ZCWPW2: variants seen among roughly 807,000 people sequenced by gnomAD.
ZCWPW2 encodes the protein zinc finger CW-type PWWP domain protein 2.
ZCWPW2 carries 45 observed loss-of-function variants against 46.6 expected under a neutral mutation model. The ratio of observed to expected loss-of-function variants is 0.96; its 90% CI spans 0.76 to 1.24. ZCWPW2 has a LOEUF of 1.24. Among genes scored for constraint, ZCWPW2 ranks in the 50% most tolerant of loss-of-function variants. The pLI, the probability that ZCWPW2 is intolerant of heterozygous loss-of-function variation, is 0.00. For synonymous variants in ZCWPW2, 152 were observed against 137.1 expected (o/e 1.11, Z -0.76); for missense variants, 429 against 403.9 (o/e 1.06, Z -0.53).
intron 4 of ZCWPW2, among the ~76,000 whole-genome samples, chr3:28,457,901 T>G (rs1348837189): frequency 2.0e-5 from 3 of 152,246 alleles, no homozygotes; most frequent in African/African-American, 7.2e-5. Context: ...ATTTACCATC[T>G]TAATCATTTT....
At chr3:28,492,286 T>C in intron 6 of ZCWPW2, 113 bp downstream of exon 6, 2 of 944,474 alleles carry the variant, frequency 2.1e-6, no homozygotes, top group Non-Finnish European at 3.0e-6. Flanking sequence ...ATCCATTTTT[T>C]CTTCTGAATG....
intron 4 of ZCWPW2, among the ~76,000 whole-genome samples, chr3:28,469,976 C>G (rs1207422319): frequency 6.6e-6 from 1 of 152,152 alleles, no homozygotes; most frequent in Non-Finnish European, 1.5e-5. Flanking sequence ...GCAGAATGCA[C>G]ATTCTTTTCC....
intron 6 of ZCWPW2, among the ~76,000 whole-genome samples, chr3:28,503,500 A>G (rs1434278916): frequency 6.6e-6 from 1 of 152,142 alleles, no homozygotes; most frequent in Non-Finnish European, 1.5e-5. Context: ...CATTCCATCA[A>G]AACCAAAACC....
rs371206235 is a variant in ZCWPW2 at position 28,377,962 on chromosome 3, A to G, written c.-133-12536A>G. Among the ~76,000 whole-genome samples the G allele has an allele frequency of 2.2e-4, 34 of 152,226 alleles. No homozygotes were observed. In the South Asian group the frequency reaches 6.8e-3, roughly 31 times the overall value. ...CCGCAAAAGACACCAGCCATTAAATATGCCAGTATGCTGTTTTCGTCCTTT... is the reference window on the plus strand; with the variant it reads ...CCGCAAAAGACACCAGCCATTAAATGTGCCAGTATGCTGTTTTCGTCCTTT... On this transcript the variant is annotated intron_variant, in intron 1 of 9. Coordinates refer to ENST00000383768, the MANE Select transcript of ZCWPW2 (RefSeq NM_001040432.4).
At chr3:28,379,604 T>C (rs78338216) in intron 1 of ZCWPW2, among the ~76,000 whole-genome samples, 1,698 of 152,314 alleles carry the variant, frequency 0.011, 11 homozygotes, top group Non-Finnish European at 0.017. Context: ...CTCTGTTCTA[T>C]TTCCAAAACA....
intron 1 of ZCWPW2, among the ~76,000 whole-genome samples, chr3:28,371,614 G>T (rs1028703578): frequency 1.3e-5 from 2 of 152,108 alleles, no homozygotes; most frequent in African/African-American, 4.8e-5. Context: ...AGCTATGATT[G>T]TGCCACTGCA....
chr3:28,437,273 C>A lies in ZCWPW2; in HGVS notation c.492+2004C>A, dbSNP rs183832294. On this transcript the variant is annotated intron_variant, in intron 4 of 9. Transcript: ENST00000383768. ...TAATTTTCACTGGTTATTGCTAAATCTTACTTCATACACTATTTCAACATC... is the reference window on the plus strand; with the variant it reads ...TAATTTTCACTGGTTATTGCTAAATATTACTTCATACACTATTTCAACATC... Among the ~76,000 whole-genome samples the A allele has an allele frequency of 1.6e-3, 237 of 152,240 alleles. 2 individuals carry two copies. The highest frequency in any genetic ancestry group is 5.6e-3 in the African/African-American group (231 of 41,548).
chr3:28,490,648 A>G (rs780957357), intron 5 of ZCWPW2, among the ~76,000 whole-genome samples: 3 of 152,090 alleles, frequency 2.0e-5, no homozygotes, highest in Non-Finnish European at 2.9e-5. Flanking sequence ...GAAGGAAACA[A>G]TAGGCACTGG....
intron 4 of ZCWPW2, among the ~76,000 whole-genome samples, chr3:28,467,780 C>G (rs926641931): frequency 1.2e-4 from 18 of 152,304 alleles, no homozygotes; most frequent in South Asian, 1.0e-3. Flanking sequence ...ACGGGGCTCA[C>G]TAATGCAGAT....
intron 2 of ZCWPW2, among the ~76,000 whole-genome samples, chr3:28,393,993 T>G (rs536309625): frequency 6.6e-6 from 1 of 152,172 alleles, no homozygotes; most frequent in South Asian, 2.1e-4. Flanking sequence ...TGTAAAATTA[T>G]CTCTGTTTCC....
intron 5 of ZCWPW2, among the ~76,000 whole-genome samples, chr3:28,491,787 T>A (rs2125816615): frequency 6.6e-6 from 1 of 152,184 alleles, no homozygotes; most frequent in Middle Eastern, 3.4e-3. Context: ...GCAGCTGGGA[T>A]TCAGTTCTAG....
intron 2 of ZCWPW2, among the ~76,000 whole-genome samples, chr3:28,400,108 C>G (rs1249887586): frequency 6.6e-6 from 1 of 151,986 alleles, no homozygotes; most frequent in Admixed American, 6.5e-5. Context: ...CTTCAGGAAA[C>G]AGTGGACACA....
chr3:28,478,340 T>G (rs896082838), intron 4 of ZCWPW2: 11 of 301,790 alleles, frequency 3.6e-5, no homozygotes, highest in African/African-American at 2.4e-4. Flanking sequence ...GCCTCCCAGG[T>G]TCAAGCAGTT....
chr3:28,503,900 T>G (rs1229221316), intron 6 of ZCWPW2, among the ~76,000 whole-genome samples: 2 of 152,010 alleles, frequency 1.3e-5, no homozygotes, highest in African/African-American at 4.8e-5. Flanking sequence ...TTTATGTAGT[T>G]AATACCTTTA....
intron 5 of ZCWPW2, among the ~76,000 whole-genome samples, chr3:28,484,768 G>C (rs1450655793): frequency 7.1e-6 from 1 of 140,852 alleles, no homozygotes; most frequent in Non-Finnish European, 1.5e-5. Flanking sequence ...CTGCCTTCCT[G>C]TCTTCCTTCT....
At chr3:28,485,227 C>T (rs1699558320) in intron 5 of ZCWPW2, among the ~76,000 whole-genome samples, 1 of 151,600 alleles carries the variant, frequency 6.6e-6, no homozygotes, top group Admixed American at 6.6e-5. Context: ...TCTCTGTTAC[C>T]AGTTTCTGGC....
rs577739803 is a variant in ZCWPW2, at chr3:28,461,385, G to T, written c.493-17429G>T. The T allele has an allele frequency of 2.0e-5, 3 of 152,046 alleles. No individual in the cohort carries two copies. In the East Asian group the frequency reaches 5.8e-4, roughly 29 times the overall value. 9.4% of individuals were successfully genotyped at this position (152,046 alleles called of 1,614,324 possible). Reference sequence around the variant, plus strand: ...GACACACATTTTTTTCAAGAAAAAAGTGCTACCAATACTAGAGGATAAATC... The same window carrying T: ...GACACACATTTTTTTCAAGAAAAAATTGCTACCAATACTAGAGGATAAATC... On this transcript the variant is annotated intron_variant, in intron 4 of 9. Transcript: ENST00000383768.
intron 6 of ZCWPW2, among the ~76,000 whole-genome samples, chr3:28,494,999 CT>C (rs1699938754): frequency 2.6e-5 from 4 of 151,988 alleles, no homozygotes; most frequent in Non-Finnish European, 5.9e-5. Flanking sequence ...AATGGCCATA[CT>C]GCCCAGGGTA....
At chr3:28,350,625 T>TA (rs1704513875) in intron 1 of ZCWPW2, among the ~76,000 whole-genome samples, 1 of 152,106 alleles carries the variant, frequency 6.6e-6, no homozygotes, top group Non-Finnish European at 1.5e-5. Context: ...ATAATCCGTA[T>TA]AGTCATTGGA....
Sources: gnomAD v4.1 joint callset for allele counts (sites outside exome capture counted in the v4.1 genomes callset) on GRCh38, gnomAD v4.1.1 for gene constraint, MANE v1.5 for transcripts, NCBI Gene and HGNC (gene_info 2026-07-23, HGNC 2026-07-21) for gene names.